The following GNA14 variants were observed in gnomAD, a reference collection of about 807,000 sequenced individuals.
The protein encoded by GNA14 is guanine nucleotide-binding protein subunit alpha-14.
In GNA14, 50 loss-of-function variants were observed where a neutral mutation model predicts 42.0. That is an observed-to-expected ratio of 1.19 (90% CI 0.95 to 1.51). GNA14 has a LOEUF of 1.51. Ranked by LOEUF, GNA14 falls within the 40% of genes most tolerant of loss-of-function variation. GNA14 has a pLI of 0.00. For synonymous variants in GNA14, 173 were observed against 163.1 expected, an observed-to-expected ratio of 1.06 and a Z score of -0.46; for missense variants, 473 against 446.2, an observed-to-expected ratio of 1.06 and a Z score of -0.54.
chr9:77,542,886 A>G (rs1397127682), intron 1 of GNA14, among the ~76,000 whole-genome samples: 1 of 152,188 alleles, frequency 6.6e-6, no homozygotes, highest in Non-Finnish European at 1.5e-5. Flanking sequence ...ACGTGTCCTC[A>G]GGGCCTCTGG....
intron 1 of GNA14, among the ~76,000 whole-genome samples, chr9:77,554,015 G>A (rs749474056): frequency 9.2e-5 from 14 of 152,166 alleles, no homozygotes; most frequent in Non-Finnish European, 1.6e-4. Flanking sequence ...AGAAAGTAAT[G>A]AATAAAACCT....
chr9:77,598,209 C>T (rs751433462), intron 1 of GNA14, among the ~76,000 whole-genome samples: 2 of 152,078 alleles, frequency 1.3e-5, no homozygotes, highest in Non-Finnish European at 2.9e-5. Context: ...TTTAGGGGTT[C>T]TATCACCCAA....
intron 1 of GNA14, among the ~76,000 whole-genome samples, chr9:77,627,479 A>G (rs999179590): frequency 1.3e-5 from 2 of 152,236 alleles, no homozygotes; most frequent in Non-Finnish European, 2.9e-5. Flanking sequence ...ATGAACATCA[A>G]TGCGAAAATC....
chr9:77,515,941 G>A (rs78637962), intron 2 of GNA14, among the ~76,000 whole-genome samples: 1,600 of 116,160 alleles, frequency 0.014, 38 homozygotes, highest in African/African-American at 0.052. Flanking sequence ...CCCAGGCAAC[G>A]CAGCAAGACC....
chr9:77,457,121 G>C (rs770503960), intron 2 of GNA14, among the ~76,000 whole-genome samples: 13 of 152,228 alleles, frequency 8.5e-5, no homozygotes, highest in Non-Finnish European at 1.9e-4. Flanking sequence ...CCAGAACGAC[G>C]TAGCTAGGTT....
In GNA14 at chr9:77,519,518, T is replaced by C. The variant is rs147278662; in HGVS notation, c.309+9551A>G. ...CGTTTAAAACACATGTCCCCTTCCC[T>C]ACCACCAATTTTTTTTAAAAAAAGC... On this transcript the variant is annotated intron_variant, in intron 2 of 6. Transcript: ENST00000341700. Among the ~76,000 whole-genome samples the C allele has an allele frequency of 6.4e-4, 98 of 152,324 alleles. 2 individuals are homozygous for C. In the East Asian group the frequency reaches 0.018, roughly 28 times the overall value.
intron 1 of GNA14, among the ~76,000 whole-genome samples, chr9:77,615,666 A>G (rs1823799726): frequency 6.6e-6 from 1 of 151,156 alleles, no homozygotes; most frequent in Non-Finnish European, 1.5e-5. Context: ...CTGTACTTAG[A>G]CCATCCCAAC....
intron 1 of GNA14, among the ~76,000 whole-genome samples, chr9:77,548,207 T>C (rs72730897): frequency 0.019 from 2,819 of 152,282 alleles, 93 homozygotes; most frequent in African/African-American, 0.061. Flanking sequence ...CTGGTGGTTG[T>C]GGGCAATGCT....
intron 6 of GNA14, 69 bp from the exon 7 acceptor site, chr9:77,424,238 T>C: frequency 8.9e-7 from 1 of 1,121,560 alleles, no homozygotes; most frequent in African/African-American, 1.6e-5. Flanking sequence ...GAACCTTTTT[T>C]TTGAGACAGA....
Position 77,541,339 on chromosome 9 carries a change from T to C in GNA14, c.125-12086A>G, listed in dbSNP as rs578180636. Among the ~76,000 whole-genome samples, 420 of 152,300 alleles carry C rather than the reference T, an allele frequency of 2.8e-3. 2 individuals carry two copies. Among genetic ancestry groups the C allele is most frequent in the Non-Finnish European group, 3.0e-3 (207 of 68,002 alleles). On this transcript the variant is annotated intron_variant, in intron 1 of 6. Coordinates refer to ENST00000341700, the MANE Select transcript of GNA14 (RefSeq NM_004297.4). The stretch of plus-strand genomic sequence containing the variant: ...ATCCTTGGGTGCAACCTTTTTTCAT[T>C]CAGTACTTTTCACATGCCATCCCAT...
chr9:77,515,111 T>C (rs1837230162), intron 2 of GNA14, among the ~76,000 whole-genome samples: 1 of 151,362 alleles, frequency 6.6e-6, no homozygotes, highest in Non-Finnish European at 1.5e-5. Flanking sequence ...GAATGTGGCC[T>C]TAAGGTCAAC....
chr9:77,587,417 T>C (rs1823323068), intron 1 of GNA14, among the ~76,000 whole-genome samples: 1 of 152,212 alleles, frequency 6.6e-6, no homozygotes, highest in African/African-American at 2.4e-5. Flanking sequence ...TATCAGTTGA[T>C]GAATAGCTAA....
chr9:77,503,333 G>A (rs1001133305), intron 2 of GNA14, among the ~76,000 whole-genome samples: 1 of 152,148 alleles, frequency 6.6e-6, no homozygotes, highest in African/African-American at 2.4e-5. Context: ...AGGTATTTGA[G>A]GAAGAGATAA....
At chr9:77,462,731 G>A (rs936013412) in intron 2 of GNA14, among the ~76,000 whole-genome samples, 1 of 28,740 alleles carries the variant, frequency 3.5e-5, no homozygotes, top group African/African-American at 1.1e-4. Flanking sequence ...GGGGCGGGGG[G>A]TGGGGGGGTG....
chr9:77,599,778 G>A (rs1016219753), intron 1 of GNA14, among the ~76,000 whole-genome samples: 2 of 152,218 alleles, frequency 1.3e-5, no homozygotes, highest in South Asian at 2.1e-4. Flanking sequence ...CATCCCTTCC[G>A]TTCTCCATCA....
chr9:77,642,803 A>C (rs112585335), intron 1 of GNA14, among the ~76,000 whole-genome samples: 232 of 152,138 alleles, frequency 1.5e-3, no homozygotes, highest in African/African-American at 4.5e-3. Flanking sequence ...ATCAAACACA[A>C]AACTCAATGA....
At chr9:77,552,186 T>C (rs903149487) in intron 1 of GNA14, among the ~76,000 whole-genome samples, 1 of 150,754 alleles carries the variant, frequency 6.6e-6, no homozygotes, top group African/African-American at 2.4e-5. Flanking sequence ...CAATCAATTA[T>C]TCCCAAAAGT....
intron 1 of GNA14, among the ~76,000 whole-genome samples, chr9:77,623,523 G>A (rs1273060611): frequency 2.6e-5 from 4 of 152,188 alleles, no homozygotes; most frequent in African/African-American, 9.6e-5. Context: ...AGCTCCCAGT[G>A]AGATCAATGC....
At chr9:77,552,908 T>C (rs1427474873) in intron 1 of GNA14, among the ~76,000 whole-genome samples, 3 of 152,310 alleles carry the variant, frequency 2.0e-5, no homozygotes, top group East Asian at 1.9e-4. Flanking sequence ...AACAGAACAC[T>C]GTACTGCAGG....
Sources: allele counts gnomAD v4.1 joint callset (sites outside exome capture counted in the v4.1 genomes callset), GRCh38; gene constraint gnomAD v4.1.1; transcripts MANE v1.5; gene names NCBI Gene and HGNC (gene_info 2026-07-23, HGNC 2026-07-21).